The following LMBR1 variants were observed in gnomAD, a reference collection of about 807,000 sequenced individuals.
LMBR1 encodes limb region 1 protein homolog.
LMBR1 carries 52 observed loss-of-function variants against 73.9 expected under a neutral mutation model. That is an observed-to-expected ratio of 0.70 (90% confidence interval 0.56 to 0.89). The LOEUF (loss-of-function observed/expected upper bound fraction) is 0.89, where lower values mean the gene tolerates loss of function less well. Among genes scored for constraint, LMBR1 ranks in the 40% least tolerant of loss-of-function variants. LMBR1 has a pLI of 0.00. For missense variants in LMBR1, 539 were observed against 579.8 expected (o/e 0.93, Z 0.72); for synonymous variants, 215 against 209.4 (o/e 1.03, Z -0.23).
chr7:156,681,212 T>C lies in LMBR1; in HGVS notation c.*2866A>G, dbSNP rs1427504264. ...TGGCAGACGAGGTCATCACTGAGGC[T>C]GCAGGGAGGGCCATGGGCACCCAGC... On this transcript the variant is annotated 3_prime_UTR_variant, in exon 17 of 17. Coordinates refer to ENST00000353442, the MANE Select transcript of LMBR1 (RefSeq NM_022458.4). 4.4e-6 allele frequency: 2 copies of C among 452,026 alleles called. No homozygotes were observed. The highest frequency in any genetic ancestry group is 8.9e-6 in the Non-Finnish European group (2 of 225,698). 28.0% of individuals were successfully genotyped at this position (452,026 alleles called of 1,614,324 possible). A position where few individuals can be genotyped will look rare whatever the true frequency, so the allele number is the denominator to read the frequency against.
chr7:156,830,384 C>G (rs1285015981), intron 3 of LMBR1, among the ~76,000 whole-genome samples: 1 of 152,136 alleles, frequency 6.6e-6, no homozygotes, highest in Non-Finnish European at 1.5e-5. Context: ...AAACCTGCCA[C>G]TTTACATCTT....
chr7:156,836,772 G>T, intron 2 of LMBR1, 41 bp downstream of exon 2: 1 of 1,279,346 alleles, frequency 7.8e-7, no homozygotes, highest in African/African-American at 1.5e-5. Context: ...TAGACCATGT[G>T]GCATTCTAAC....
At chr7:156,790,721 T>C (rs533636253) in intron 5 of LMBR1, among the ~76,000 whole-genome samples, 1 of 151,004 alleles carries the variant, frequency 6.6e-6, no homozygotes, top group African/African-American at 2.5e-5. Flanking sequence ...AGTGACAAAA[T>C]TAATGTCATT....
At chr7:156,696,313 T>C (rs1322662712) in intron 15 of LMBR1, among the ~76,000 whole-genome samples, 2 of 152,214 alleles carry the variant, frequency 1.3e-5, no homozygotes, top group African/African-American at 4.8e-5. Flanking sequence ...GTCATATATT[T>C]TGATAAAGAA....
At chr7:156,713,840 T>C (rs1030480108) in intron 15 of LMBR1, among the ~76,000 whole-genome samples, 2 of 152,238 alleles carry the variant, frequency 1.3e-5, no homozygotes, top group Non-Finnish European at 2.9e-5. Context: ...CATGCATTAA[T>C]ATATTAATGT....
chr7:156,763,146 T>C lies in LMBR1; in HGVS notation c.581A>G (p.Tyr194Cys). Residue 194 changes from tyrosine to cysteine, a missense_variant, in exon 7 of 17, where the codon TAT becomes TGT. Coordinates refer to ENST00000353442, the MANE Select transcript of LMBR1 (RefSeq NM_022458.4). Reference protein sequence around the residue: ...DLWEFYLPYLYSCISLMGCLL... With the variant: ...DLWEFYLPYLCSCISLMGCLL... ...ACATCCCATCAATGATATACAGGAA[T>C]ATAAATAGGGTAGATAGAACTCCCA... is the stretch of plus-strand genomic sequence containing the variant. 7.0e-7 allele frequency: 1 copy of C among 1,420,912 alleles called. No homozygotes were observed. The highest frequency in any genetic ancestry group is 9.7e-7 in the Non-Finnish European group (1 of 1,025,732). 88.0% of individuals were successfully genotyped at this position (1,420,912 alleles called of 1,614,324 possible). A position where few individuals can be genotyped will look rare whatever the true frequency, so the allele number is the denominator to read the frequency against.
chr7:156,712,721 G>C (rs1812335571), intron 15 of LMBR1, among the ~76,000 whole-genome samples: 1 of 152,144 alleles, frequency 6.6e-6, no homozygotes, highest in South Asian at 2.1e-4. Context: ...AACAACATGG[G>C]TGGAATCATC....
chr7:156,753,823 G>C (rs909525271), intron 9 of LMBR1, among the ~76,000 whole-genome samples: 1 of 152,066 alleles, frequency 6.6e-6, no homozygotes, highest in African/African-American at 2.4e-5. Context: ...CATGACAACA[G>C]GGACATGAGG....
At chr7:156,840,532 T>A (rs1838481321) in intron 1 of LMBR1, among the ~76,000 whole-genome samples, 1 of 152,016 alleles carries the variant, frequency 6.6e-6, no homozygotes, top group African/African-American at 2.4e-5. Context: ...GAGCCCACTA[T>A]TCGGGTCACG....
chr7:156,725,881 T>C (rs1299897464), intron 12 of LMBR1, 44 bp from the exon 13 acceptor site: 4 of 1,455,614 alleles, frequency 2.7e-6, no homozygotes, highest in African/African-American at 1.4e-5. Context: ...ATGACACCAT[T>C]ATATTGGTTT....
intron 5 of LMBR1, among the ~76,000 whole-genome samples, chr7:156,779,182 C>G (rs1480780633): frequency 3.3e-5 from 5 of 152,128 alleles, no homozygotes; most frequent in African/African-American, 9.7e-5. Flanking sequence ...CATATATCAC[C>G]AGGATTTCAT....
chr7:156,725,616 A>T (rs1585395715), intron 13 of LMBR1, 91 bp from the exon 14 acceptor site: 4 of 1,229,782 alleles, frequency 3.3e-6, no homozygotes, highest in Non-Finnish European at 4.6e-6. Context: ...CCATAGGAAA[A>T]GCAAAACAAA....
At chr7:156,686,567 G>A (rs904428172) in intron 16 of LMBR1, among the ~76,000 whole-genome samples, 6 of 152,166 alleles carry the variant, frequency 3.9e-5, no homozygotes, top group African/African-American at 1.4e-4. Flanking sequence ...AAAAGTAAAT[G>A]TATCTATTAG....
downstream of LMBR1, among the ~76,000 whole-genome samples, chr7:156,673,522 C>T (rs1803070826): frequency 6.6e-6 from 1 of 152,158 alleles, no homozygotes; most frequent in Non-Finnish European, 1.5e-5. Flanking sequence ...ATTATAATTA[C>T]ATTCAGAGTG....
intron 5 of LMBR1, among the ~76,000 whole-genome samples, chr7:156,789,521 A>G (rs1033081749): frequency 6.6e-6 from 1 of 152,228 alleles, no homozygotes; most frequent in African/African-American, 2.4e-5. Flanking sequence ...CTAAATGACA[A>G]ATAAATGGAC....
chr7:156,692,180 G>A lies in LMBR1; in HGVS notation c.1226-3989C>T, dbSNP rs942341561. Among the ~76,000 whole-genome samples the A allele has an allele frequency of 5.3e-5, 8 of 152,218 alleles. No homozygotes were observed. The East Asian group carries it at 7.7e-4, about 15-fold the overall frequency. On this transcript the variant is annotated intron_variant, in intron 15 of 16. Coordinates refer to ENST00000353442, the MANE Select transcript of LMBR1 (RefSeq NM_022458.4). ...AACCCAAGCCCTCCTGGGTTCAAGC[G>A]ATTTTCCTGCCTCAGCCTCCCAAGT...
At chr7:156,787,012 T>C (rs999577327) in intron 5 of LMBR1, among the ~76,000 whole-genome samples, 41 of 152,306 alleles carry the variant, frequency 2.7e-4, no homozygotes, top group African/African-American at 9.1e-4. Flanking sequence ...TATAGTAATA[T>C]TAGCCGCAAA....
intron 10 of LMBR1, 40 bp from the exon 11 acceptor site, chr7:156,728,760 A>G (rs1816267103): frequency 7.2e-7 from 1 of 1,384,672 alleles, no homozygotes; most frequent in African/African-American, 1.5e-5. Context: ...AGTTTTCTCC[A>G]AATTAACATT....
intron 9 of LMBR1, among the ~76,000 whole-genome samples, chr7:156,738,502 G>A (rs1389512751): frequency 6.6e-6 from 1 of 152,184 alleles, no homozygotes; most frequent in Non-Finnish European, 1.5e-5. Flanking sequence ...CAGTGGCTAA[G>A]GGAGAGGTTG....
Sources: allele counts gnomAD v4.1 joint callset (sites outside exome capture counted in the v4.1 genomes callset), GRCh38; gene constraint gnomAD v4.1.1; transcripts MANE v1.5; gene names NCBI Gene and HGNC (gene_info 2026-07-23, HGNC 2026-07-21).